ROBO1: variants seen among roughly 807,000 people sequenced by gnomAD.
ROBO1 encodes roundabout homolog 1.
Under a neutral mutation model 195.9 loss-of-function variants are expected in ROBO1, and 149 were observed. The ratio of observed to expected loss-of-function variants is 0.76; its 90% CI spans 0.67 to 0.87. The LOEUF is 0.87. Ranked by LOEUF, ROBO1 falls within the 40% of genes least tolerant of loss-of-function variation. The pLI, the probability that ROBO1 is intolerant of heterozygous loss-of-function variation, is 0.00. For missense variants in ROBO1, 1,933 were observed against 2,068.3 expected (o/e 0.93, Z 1.27); for synonymous variants, 816 against 733.2 (o/e 1.11, Z -1.82).
chr3:78,921,275 T>TGAC (rs149245020), intron 4 of ROBO1, among the ~76,000 whole-genome samples: 4,625 of 152,320 alleles, frequency 0.03, 252 homozygotes, highest in African/African-American at 0.1. Flanking sequence ...TATGTTAGCT[T>TGAC]TATTTAAATC....
intron 3 of ROBO1, among the ~76,000 whole-genome samples, chr3:79,077,360 G>A (rs932747711): frequency 1.3e-5 from 2 of 151,804 alleles, no homozygotes; most frequent in African/African-American, 4.8e-5. Flanking sequence ...ATCCTATGAT[G>A]CATATAGTTA....
chr3:79,611,760 G>T (rs935046061), intron 1 of ROBO1, among the ~76,000 whole-genome samples: 4 of 152,060 alleles, frequency 2.6e-5, no homozygotes, highest in Admixed American at 6.6e-5. Context: ...CTAAGGGAGA[G>T]ATAGCATTAG....
chr3:79,274,827 G>A (rs191183899), intron 2 of ROBO1, among the ~76,000 whole-genome samples: 4 of 151,874 alleles, frequency 2.6e-5, no homozygotes, highest in Admixed American at 6.6e-5. Flanking sequence ...GCAGAAATCC[G>A]AACGATCATT....
chr3:79,183,294 C>T (rs1254134815), intron 2 of ROBO1, among the ~76,000 whole-genome samples: 3 of 152,108 alleles, frequency 2.0e-5, no homozygotes, highest in Non-Finnish European at 2.9e-5. Flanking sequence ...GACTTAGGTC[C>T]AGTTCTCTCT....
At chr3:79,035,220 C>A (rs1389362124) in intron 3 of ROBO1, among the ~76,000 whole-genome samples, 4 of 151,986 alleles carry the variant, frequency 2.6e-5, no homozygotes, top group African/African-American at 9.7e-5. Context: ...ACTTTTAAGT[C>A]AAGTCTCTTC....
At chr3:79,567,120 G>A (rs1454279682) in intron 2 of ROBO1, among the ~76,000 whole-genome samples, 1 of 152,140 alleles carries the variant, frequency 6.6e-6, no homozygotes, top group Non-Finnish European at 1.5e-5. Context: ...GGTGGATCTG[G>A]AGGCCATTAT....
chr3:78,861,069 G>A (rs1399882828), intron 4 of ROBO1, among the ~76,000 whole-genome samples: 3 of 151,932 alleles, frequency 2.0e-5, no homozygotes, highest in African/African-American at 7.3e-5. Flanking sequence ...ATTTCCTATA[G>A]ATATATCTGG....
At chr3:79,595,333 T>A (rs1420147488) in intron 1 of ROBO1, among the ~76,000 whole-genome samples, 1 of 152,038 alleles carries the variant, frequency 6.6e-6, no homozygotes, top group Admixed American at 6.6e-5. Flanking sequence ...TAATGCATAT[T>A]TCCACAAAGT....
At chr3:79,762,430 C>A (rs565560324) in intron 1 of ROBO1, among the ~76,000 whole-genome samples, 1 of 151,798 alleles carries the variant, frequency 6.6e-6, no homozygotes, top group East Asian at 1.9e-4. Context: ...ATAGTAGAAA[C>A]GAATAAATGA....
At chr3:78,920,199 T>A (rs1347994155) in intron 4 of ROBO1, among the ~76,000 whole-genome samples, 1 of 152,252 alleles carries the variant, frequency 6.6e-6, no homozygotes, top group Non-Finnish European at 1.5e-5. Flanking sequence ...ACATACAAGA[T>A]GAATTTGTCC....
At chr3:79,641,117 G>A (rs977102967) in intron 1 of ROBO1, among the ~76,000 whole-genome samples, 16 of 152,226 alleles carry the variant, frequency 1.1e-4, no homozygotes, top group Admixed American at 5.2e-4. Context: ...AAGTGGTATC[G>A]TGAGACTACT....
chr3:78,607,801 A>G (rs1295722582), intron 28 of ROBO1, among the ~76,000 whole-genome samples: 1 of 152,116 alleles, frequency 6.6e-6, no homozygotes, highest in East Asian at 1.9e-4. Context: ...TATTTTGTAG[A>G]GAAGGAAGCT....
chr3:79,671,131 A>G (rs1946619964), intron 1 of ROBO1, among the ~76,000 whole-genome samples: 2 of 151,878 alleles, frequency 1.3e-5, no homozygotes, highest in South Asian at 4.1e-4. Flanking sequence ...ATACTGATAT[A>G]CAATGTTTAA....
chr3:78,700,863 A>T lies in ROBO1; in HGVS notation c.1046-12091T>A, dbSNP rs891766733. 5.3e-5 allele frequency among the ~76,000 whole-genome samples: 8 copies of T among 151,410 alleles called. No homozygotes were observed. In the South Asian group the frequency reaches 8.3e-4, roughly 16 times the overall value. On this transcript the variant is annotated intron_variant, in intron 8 of 30. Transcript: ENST00000464233. Reference sequence around the variant, plus strand: ...ACTGCAACCTCCACCTCCCGGGTTCAAGTGATTCTCCTGCCTCAGCCTCCT... The same window carrying T: ...ACTGCAACCTCCACCTCCCGGGTTCTAGTGATTCTCCTGCCTCAGCCTCCT...
Position 78,615,650 on chromosome 3 carries a change from G to C in ROBO1, c.4283-850C>G, listed in dbSNP as rs1212656622. On this transcript the variant is annotated intron_variant, in intron 27 of 30. Transcript: ENST00000464233. Reference sequence around the variant, plus strand: ...CCTATGTTTGACTTTCACTGTTTTGGTTTCTAGAAATTCTAGTCACAAATC... The same window carrying C: ...CCTATGTTTGACTTTCACTGTTTTGCTTTCTAGAAATTCTAGTCACAAATC... Among the ~76,000 whole-genome samples the C allele has an allele frequency of 2.0e-5, 3 of 152,052 alleles. No individual in the cohort carries two copies. In the East Asian group the frequency reaches 5.8e-4, roughly 29 times the overall value.
At chr3:79,147,955 C>T (rs911507253) in intron 2 of ROBO1, among the ~76,000 whole-genome samples, 2 of 151,872 alleles carry the variant, frequency 1.3e-5, no homozygotes, top group Admixed American at 6.6e-5. Flanking sequence ...AGCTTCAGAG[C>T]TCCTGTTACT....
intron 3 of ROBO1, among the ~76,000 whole-genome samples, chr3:79,097,978 C>T (rs2079601670): frequency 6.6e-6 from 1 of 151,678 alleles, no homozygotes; most frequent in East Asian, 1.9e-4. Context: ...TGAATTTGTA[C>T]ACTATCCAGA....
intron 4 of ROBO1, among the ~76,000 whole-genome samples, chr3:78,886,425 C>T (rs1454042930): frequency 6.6e-6 from 1 of 152,030 alleles, no homozygotes; most frequent in Non-Finnish European, 1.5e-5. Flanking sequence ...TGAAACCCAT[C>T]TCTACTAAAA....
chr3:79,015,389 C>A lies in ROBO1; in HGVS notation c.173-76462G>T, dbSNP rs201466575. On this transcript the variant is annotated intron_variant, in intron 3 of 30. Coordinates refer to ENST00000464233, the MANE Select transcript of ROBO1 (RefSeq NM_002941.4). ...AGAAACCCTCCCCCACGCCCCCCCC[C>A]AAAAAAACAAGAAAAAGAAAGTACC... Among the ~76,000 whole-genome samples, 764 of 148,812 alleles carry A rather than the reference C, an allele frequency of 5.1e-3. 10 individuals are homozygous for A. The highest frequency in any genetic ancestry group is 0.024 in the East Asian group (122 of 4,986).
Sources: allele counts gnomAD v4.1 joint callset (sites outside exome capture counted in the v4.1 genomes callset), GRCh38; gene constraint gnomAD v4.1.1; transcripts MANE v1.5; gene names NCBI Gene and HGNC (gene_info 2026-07-23, HGNC 2026-07-21).